HDAC4: variants seen among roughly 807,000 people sequenced by gnomAD.
HDAC4 encodes the protein histone deacetylase A.
Under a neutral mutation model 135.1 loss-of-function variants are expected in HDAC4, and 16 were observed. That is an observed-to-expected ratio of 0.12 (90% CI 0.08 to 0.18). The LOEUF is 0.18. Among genes scored for constraint, HDAC4 ranks in the 10% least tolerant of loss-of-function variants. The pLI, the probability that HDAC4 is intolerant of heterozygous loss-of-function variation, is 1.00. For synonymous variants in HDAC4, 685 were observed against 653.4 expected, an observed-to-expected ratio of 1.05 and a Z score of -0.74; for missense variants, 1,143 against 1,511.8, an observed-to-expected ratio of 0.76 and a Z score of 4.05.
intron 2 of HDAC4, among the ~76,000 whole-genome samples, chr2:239,293,351 C>T (rs1320068815): frequency 6.6e-6 from 1 of 152,244 alleles, no homozygotes; most frequent in Admixed American, 6.5e-5. Context: ...TGTCCCCTGC[C>T]CTCGGTTTTT....
chr2:239,199,708 A>C (rs911810087), intron 3 of HDAC4, among the ~76,000 whole-genome samples: 1 of 149,842 alleles, frequency 6.7e-6, no homozygotes, highest in Admixed American at 6.7e-5. Flanking sequence ...TTCTGCTACC[A>C]GATGCTTTGG....
chr2:239,217,911 A>AT (rs1212195378), intron 3 of HDAC4, among the ~76,000 whole-genome samples: 1 of 152,126 alleles, frequency 6.6e-6, no homozygotes, highest in South Asian at 2.1e-4. Flanking sequence ...GGCCAACATC[A>AT]TAAGACCCCA....
At chr2:239,242,041 C>G (rs891353267) in intron 2 of HDAC4, among the ~76,000 whole-genome samples, 4 of 142,102 alleles carry the variant, frequency 2.8e-5, no homozygotes, top group Non-Finnish European at 4.5e-5. Flanking sequence ...TTGACAAGTT[C>G]CACCAAAAGA....
chr2:239,379,536 G>A lies in HDAC4; in HGVS notation c.-220+21442C>T, dbSNP rs868039239. 2.0e-5 allele frequency among the ~76,000 whole-genome samples: 3 copies of A among 152,276 alleles called. 1 individual carries two copies. Among genetic ancestry groups the A allele is most frequent in the Middle Eastern group, 6.8e-3 (2 of 294 alleles). On this transcript the variant is annotated intron_variant, in intron 1 of 26. Transcript: ENST00000543185. The stretch of plus-strand genomic sequence containing the variant: ...GGTCCAAGCTCCCAGGAGGGGTCTG[G>A]CAGGTCCCCTCGGCCTGAGCTGGCC...
At chr2:239,076,766 C>T (rs1441288006) in intron 22 of HDAC4, among the ~76,000 whole-genome samples, 3 of 152,186 alleles carry the variant, frequency 2.0e-5, no homozygotes, top group Non-Finnish European at 4.4e-5. Flanking sequence ...TGGAGATGCT[C>T]CCAACCACCC....
intron 2 of HDAC4, among the ~76,000 whole-genome samples, chr2:239,345,722 C>T (rs1428725488): frequency 6.7e-6 from 1 of 149,392 alleles, no homozygotes; most frequent in Non-Finnish European, 1.5e-5. Context: ...ACACACACAC[C>T]CTAACACACA....
chr2:239,154,299 C>T (rs1242832416), intron 7 of HDAC4, among the ~76,000 whole-genome samples: 1 of 152,136 alleles, frequency 6.6e-6, no homozygotes, highest in African/African-American at 2.4e-5. Flanking sequence ...CTGAGTGCCA[C>T]AGCCATCACT....
At chr2:239,394,762 G>A (rs1254309710) in intron 1 of HDAC4, among the ~76,000 whole-genome samples, 4 of 152,256 alleles carry the variant, frequency 2.6e-5, no homozygotes, top group Admixed American at 2.6e-4. Context: ...CCCAAGGCCC[G>A]CATTGTGCCA....
rs1244568548 is a variant in HDAC4 at position 239,307,686 on chromosome 2, G to A, written c.22+44992C>T. 1.3e-5 allele frequency among the ~76,000 whole-genome samples: 2 copies of A among 152,136 alleles called. No homozygotes were observed. Among genetic ancestry groups the A allele is most frequent in the African/African-American group, 2.4e-5 (1 of 41,422 alleles). On this transcript the variant is annotated intron_variant, in intron 2 of 26. Transcript: ENST00000543185. This position sits in a 1 kb window ranked among gnomAD's most constrained non-coding sequence, Gnocchi z 4.8. ...GAGAAGCCCTCCTCACTCAGATGACGTTCTCATGACCGCACTTGGTCTAAG... is the reference window on the plus strand; with the variant it reads ...GAGAAGCCCTCCTCACTCAGATGACATTCTCATGACCGCACTTGGTCTAAG...
rs919098064 is a variant in HDAC4, at chr2:239,139,471, G to A, written c.978+213C>T. On this transcript the variant is annotated intron_variant, in intron 9 of 26. Transcript: ENST00000543185. The surrounding 1 kb of genome is among the most constrained non-coding windows in gnomAD (Gnocchi z 5.3). ...TGTCCCCGACGTGCCTGGAACTAGC[G>A]TGTTCATAATGAAAGGAGATGTCTG... Among the ~76,000 whole-genome samples the A allele has an allele frequency of 2.0e-5, 3 of 152,218 alleles. No individual in the cohort carries two copies. The highest frequency in any genetic ancestry group is 1.9e-4 in the East Asian group (1 of 5,186).
At chr2:239,337,927 C>CG (rs1352405171) in intron 2 of HDAC4, among the ~76,000 whole-genome samples, 2 of 152,084 alleles carry the variant, frequency 1.3e-5, no homozygotes, top group South Asian at 2.1e-4. Flanking sequence ...GCTATCTCTT[C>CG]GGGGGCAGAA....
intron 6 of HDAC4, among the ~76,000 whole-genome samples, chr2:239,160,130 A>G (rs2042698461): frequency 6.6e-6 from 1 of 152,250 alleles, no homozygotes; most frequent in Non-Finnish European, 1.5e-5. Context: ...TGGGAGCCAC[A>G]TGTGAAATTT....
intron 11 of HDAC4, among the ~76,000 whole-genome samples, chr2:239,130,129 A>AACT (rs2040466958): frequency 6.6e-6 from 1 of 152,210 alleles, no homozygotes; most frequent in African/African-American, 2.4e-5. Context: ...GGCAAGAGTT[A>AACT]GATCCAACTC....
chr2:239,092,292 G>A (rs1377347532), intron 17 of HDAC4, among the ~76,000 whole-genome samples: 1 of 151,758 alleles, frequency 6.6e-6, no homozygotes, highest in Non-Finnish European at 1.5e-5. Context: ...AGGAGTGAGA[G>A]CTGGGCAGGG....
rs556556529 is a variant in HDAC4, at chr2:239,349,099, G to A, written c.22+3579C>T. Among the ~76,000 whole-genome samples, 10 of 152,302 alleles carry A rather than the reference G, an allele frequency of 6.6e-5. No individual in the cohort carries two copies. Among genetic ancestry groups the A allele is most frequent in the South Asian group, 4.1e-4 (2 of 4,830 alleles). ...CCCGGCCTGCCCAGGGAGTGAGGGC[G>A]GCACGGGCACCCACACCAGGCCACA... On this transcript the variant is annotated intron_variant, in intron 2 of 26. Coordinates refer to ENST00000543185, the MANE Select transcript of HDAC4 (RefSeq NM_001378414.1). The surrounding 1 kb of genome is among the most constrained non-coding windows in gnomAD (Gnocchi z 5.7).
intron 12 of HDAC4, among the ~76,000 whole-genome samples, chr2:239,125,159 G>A (rs1331769265): frequency 6.6e-6 from 1 of 152,240 alleles, no homozygotes; most frequent in Non-Finnish European, 1.5e-5. Flanking sequence ...CTGAAGCCTA[G>A]CCCCCAATAC....
At chr2:239,083,410 A>G (rs1393218801) in intron 20 of HDAC4, among the ~76,000 whole-genome samples, 2 of 152,226 alleles carry the variant, frequency 1.3e-5, no homozygotes, top group Non-Finnish European at 2.9e-5. Context: ...CCGAAACAGC[A>G]TGGCTGTCCT....
intron 11 of HDAC4, 98 bp from the exon 12 acceptor site, chr2:239,126,792 T>G: frequency 1.5e-6 from 2 of 1,302,328 alleles, no homozygotes; most frequent in Non-Finnish European, 2.2e-6. Flanking sequence ...CTGCGCCCTG[T>G]GCCCGCCAGC....
At chr2:239,089,286 C>T (rs551611543) in intron 18 of HDAC4, among the ~76,000 whole-genome samples, 21 of 152,334 alleles carry the variant, frequency 1.4e-4, no homozygotes, top group African/African-American at 4.8e-4. Context: ...CTGCTGTCCA[C>T]AGGCAAGACA....
Sources: gnomAD v4.1 joint callset for allele counts (sites outside exome capture counted in the v4.1 genomes callset) on GRCh38, gnomAD v4.1.1 for gene constraint, Gnocchi (gnomAD v3.1) non-coding constraint, MANE v1.5 for transcripts, NCBI Gene and HGNC (gene_info 2026-07-23, HGNC 2026-07-21) for gene names.